The following PPAT variants were observed in gnomAD, a reference collection of about 807,000 sequenced individuals.
PPAT encodes phosphoribosyl pyrophosphate amidotransferase.
Under a neutral mutation model 60.2 loss-of-function variants are expected in PPAT, and 20 were observed. That is an observed-to-expected ratio of 0.33 (90% CI 0.23 to 0.48). The LOEUF (loss-of-function observed/expected upper bound fraction) is 0.48, where lower values mean the gene tolerates loss of function less well. Among genes scored for constraint, PPAT ranks in the 20% least tolerant of loss-of-function variants. The pLI, the probability that PPAT is intolerant of heterozygous loss-of-function variation, is 0.99. For synonymous variants in PPAT, 194 were observed against 215.1 expected, an observed-to-expected ratio of 0.90 and a Z score of 0.86; for missense variants, 349 against 629.6, an observed-to-expected ratio of 0.55 and a Z score of 4.77.
chr4:56,432,988 A>ACG (rs1190119727), intron 1 of PPAT, among the ~76,000 whole-genome samples: 2 of 147,518 alleles, frequency 1.4e-5, no homozygotes, highest in East Asian at 2.0e-4. Flanking sequence ...ATACATACAC[A>ACG]CACGTATTTT....
intron 1 of PPAT, among the ~76,000 whole-genome samples, chr4:56,414,774 G>A (rs1716635896): frequency 6.6e-6 from 1 of 152,132 alleles, no homozygotes; most frequent in Non-Finnish European, 1.5e-5. Flanking sequence ...TCATACTCAA[G>A]CTCAGGTGTT....
chr4:56,415,458 A>G (rs571545204), intron 1 of PPAT, among the ~76,000 whole-genome samples: 1 of 152,340 alleles, frequency 6.6e-6, no homozygotes, highest in South Asian at 2.1e-4. Context: ...ATTTTATGAA[A>G]GCCTATATAA....
chr4:56,434,977 G>A (rs540837233), intron 1 of PPAT, among the ~76,000 whole-genome samples: 1 of 152,216 alleles, frequency 6.6e-6, no homozygotes, highest in Admixed American at 6.5e-5. Flanking sequence ...TATTACAGGA[G>A]CAGCCACAGG....
At chr4:56,398,272 A>C (rs972970841) in intron 9 of PPAT, among the ~76,000 whole-genome samples, 2 of 151,996 alleles carry the variant, frequency 1.3e-5, no homozygotes, top group Non-Finnish European at 2.9e-5. Flanking sequence ...CAGAAGGCTG[A>C]GGTGGGAGGA....
At position 56,407,667 on chromosome 4, in the gene PPAT, T is replaced by C. The variant is rs1438310409; in HGVS notation, c.178A>G (p.Thr60Ala). 3 of 1,604,720 alleles carry C rather than the reference T, an allele frequency of 1.9e-6. No individual in the cohort carries two copies. In the South Asian group the frequency reaches 3.3e-5, roughly 18 times the overall value. ...AAATTTACCTTGTGTGATTTGAATGTTGGCACCGAACTCCCATCACTAGTC... is the reference window on the plus strand; with the variant it reads ...AAATTTACCTTGTGTGATTTGAATGCTGGCACCGAACTCCCATCACTAGTC... ...IVTSDGSSVP[T>A]FKSHKGMGLV... Residue 60 changes from threonine to alanine, a missense_variant, in exon 2 of 11, where the codon ACA becomes GCA. Coordinates refer to ENST00000264220, the MANE Select transcript of PPAT (RefSeq NM_002703.5).
At position 56,403,101 on chromosome 4, in the gene PPAT, AGG is replaced by A; in HGVS notation, c.598_599del (p.Pro200LeufsTer16). The A allele has an allele frequency of 6.2e-7, 1 of 1,612,504 alleles. No individual in the cohort carries two copies. Among genetic ancestry groups the A allele is most frequent in the Non-Finnish European group, 8.5e-7 (1 of 1,178,648 alleles). ...CAATGCATAAGGGACGATTTCCATA[AGG>A]ATCTCGTACTGCATAAATAACATCT... is the stretch of plus-strand genomic sequence containing the variant. ...HRDVIYAVRD[P>X]YGNRPLCIGR... On this transcript the variant is annotated frameshift_variant, in exon 5 of 11. Coordinates refer to ENST00000264220, the MANE Select transcript of PPAT (RefSeq NM_002703.5). LOFTEE classifies it high-confidence loss of function.
chr4:56,417,129 G>A (rs1005799342), intron 1 of PPAT, among the ~76,000 whole-genome samples: 8 of 152,254 alleles, frequency 5.3e-5, no homozygotes, highest in Non-Finnish European at 1.0e-4. Flanking sequence ...GATTACAGGC[G>A]TGAGCCACTG....
chr4:56,402,942 C>T, intron 5 of PPAT, 98 bp downstream of exon 5: 1 of 1,116,004 alleles, frequency 9.0e-7, no homozygotes, highest in African/African-American at 1.6e-5. Context: ...CTCCCTCCCA[C>T]CCATCAACTT....
chr4:56,417,835 G>GTTTGTTTTTTTTTTTTTTTTTT (rs1716838611), intron 1 of PPAT, among the ~76,000 whole-genome samples: 1 of 102,530 alleles, frequency 9.8e-6, no homozygotes, highest in African/African-American at 3.5e-5. Context: ...TGAAGATTTG[G>GTTTGTTTTTTTTTTTTTTTTTT]TTTTTTGTTT....
At chr4:56,425,162 G>C (rs56356367) in intron 1 of PPAT, among the ~76,000 whole-genome samples, 20,181 of 152,144 alleles carry the variant, frequency 0.13, 1,492 homozygotes, top group Admixed American at 0.23. Flanking sequence ...CAAAGGGTAC[G>C]CTAAGAATTA....
intron 10 of PPAT, 97 bp from the exon 11 acceptor site, chr4:56,395,645 T>A: frequency 1.2e-6 from 1 of 844,270 alleles, no homozygotes; most frequent in Non-Finnish European, 1.6e-6. Flanking sequence ...TAATTTAAGC[T>A]AGGATAAATT....
Position 56,402,953 on chromosome 4 carries a change from T to C in PPAT, c.661+87A>G, listed in dbSNP as rs1716153992. 7 of 1,297,482 alleles carry C rather than the reference T, an allele frequency of 5.4e-6. No homozygotes were observed. In the South Asian group the frequency reaches 6.4e-5, roughly 12 times the overall value. The allele number at this position is 1,297,482 out of a possible 1,614,324, so 80.4% of individuals were successfully genotyped here. A position where few individuals can be genotyped will look rare whatever the true frequency, so the allele number is the denominator to read the frequency against. On this transcript the variant is annotated intron_variant, in intron 5 of 10. Transcript: ENST00000264220. The stretch of plus-strand genomic sequence containing the variant: ...CTAGCTCCCTCCCACCCATCAACTT[T>C]CTATACCTAAAGATTTCAGGGCTTG...
chr4:56,417,476 T>C (rs1009606432), intron 1 of PPAT, among the ~76,000 whole-genome samples: 9 of 152,100 alleles, frequency 5.9e-5, no homozygotes, highest in African/African-American at 1.4e-4. Context: ...GAACCATTAA[T>C]TGTAATATTT....
At chr4:56,435,213 C>T in intron 1 of PPAT, 137 bp downstream of exon 1, 1 of 1,301,842 alleles carries the variant, frequency 7.7e-7, no homozygotes, top group Non-Finnish European at 1.1e-6. Context: ...ACCCGGTCGA[C>T]GCCACAGGCA....
At chr4:56,410,789 T>C (rs1284217163) in intron 1 of PPAT, 2 of 986,896 alleles carry the variant, frequency 2.0e-6, no homozygotes, top group Non-Finnish European at 2.4e-6. Context: ...CTTCCATGAT[T>C]TGGATGTAAT....
chr4:56,404,970 CA>C (rs772827177), intron 3 of PPAT, among the ~76,000 whole-genome samples: 2 of 151,980 alleles, frequency 1.3e-5, no homozygotes, highest in Non-Finnish European at 2.9e-5. Flanking sequence ...TAAATATCAC[CA>C]GGTTCTGAAG....
rs1380816141 is a variant in PPAT, at chr4:56,435,414, C to G, written c.64G>C (p.Glu22Gln). The G allele has an allele frequency of 1.2e-6, 2 of 1,613,810 alleles. No individual in the cohort carries two copies. Among genetic ancestry groups the G allele is most frequent in the South Asian group, 2.2e-5 (2 of 91,078 alleles). ...CGVFGCIASG[E>Q]WPTQLDVPHV... ...GGTACATCCAGCTGCGTGGGCCACTCTCCTGAGGCGATGCACCCGAACACG... is the reference window on the plus strand; with the variant it reads ...GGTACATCCAGCTGCGTGGGCCACTGTCCTGAGGCGATGCACCCGAACACG... The change falls in exon 1 of 11, where the codon GAG becomes CAG. Residue 22 changes from glutamate (E) to glutamine (Q), a missense_variant. This residue lies in a region of PPAT where 115 missense variants were observed against 174.5 expected (regional missense o/e 0.66). Transcript: ENST00000264220.
intron 7 of PPAT, 76 bp downstream of exon 7, chr4:56,401,254 G>T: frequency 1.5e-6 from 2 of 1,357,034 alleles, no homozygotes; most frequent in Non-Finnish European, 1.0e-6. Flanking sequence ...GTAAGCCTTT[G>T]AGGCAAGAAT....
At chr4:56,405,522 C>A (rs969066197) in intron 3 of PPAT, among the ~76,000 whole-genome samples, 1 of 152,142 alleles carries the variant, frequency 6.6e-6, no homozygotes, top group African/African-American at 2.4e-5. Context: ...ATCCCTGGAC[C>A]CCCAGGGAAG....
Sources: gnomAD v4.1 joint callset for allele counts (sites outside exome capture counted in the v4.1 genomes callset) on GRCh38, gnomAD v4.1.1 for gene constraint, gnomAD v4.1.1 regional missense constraint, MANE v1.5 for transcripts, NCBI Gene and HGNC (gene_info 2026-07-23, HGNC 2026-07-21) for gene names.